CAMTA1: variants seen among roughly 807,000 people sequenced by gnomAD.
CAMTA1 encodes calmodulin binding transcription activator 1, also known as calmodulin-binding transcription activator 1.
A neutral mutation model predicts 170.9 loss-of-function variants in CAMTA1; 27 were observed. That is an observed-to-expected ratio of 0.16 (90% CI 0.12 to 0.22). The LOEUF is 0.22. Ranked by LOEUF, CAMTA1 falls within the 10% of genes least tolerant of loss-of-function variation. The probability of loss-of-function intolerance (pLI) is 1.00; values close to 1 mark genes in which losing one functional copy is unlikely to be tolerated. For missense variants in CAMTA1, 1,619 were observed against 2,217.2 expected (o/e 0.73, Z 5.42); for synonymous variants, 833 against 891.5 (o/e 0.93, Z 1.17).
chr1:6,892,597 C>CTT (rs70984032), intron 3 of CAMTA1, among the ~76,000 whole-genome samples: 9,805 of 120,732 alleles, frequency 0.081, 499 homozygotes, highest in East Asian at 0.26. Context: ...TTTTTCTTTT[C>CTT]TTTTTTTTTT....
intron 5 of CAMTA1, among the ~76,000 whole-genome samples, chr1:7,462,644 G>A (rs1249638476): frequency 2.0e-5 from 3 of 152,110 alleles, no homozygotes; most frequent in Non-Finnish European, 4.4e-5. Flanking sequence ...GAATACTCAT[G>A]ACACTTGAAA....
rs1020618148 is a variant in CAMTA1, at chr1:7,014,963, C to T, written c.235-76341C>T. On this transcript the variant is annotated intron_variant, in intron 3 of 22. Coordinates refer to ENST00000303635, the MANE Select transcript of CAMTA1 (RefSeq NM_015215.4). The surrounding 1 kb of genome is among the most constrained non-coding windows in gnomAD (Gnocchi z 4.2). ...ACTCAAAAACCACAAGCTAAATGAT[C>T]TGTACATTGTCCTCCAACTCTGAGA... 2.6e-5 allele frequency among the ~76,000 whole-genome samples: 4 copies of T among 152,174 alleles called. No individual in the cohort carries two copies. The highest frequency in any genetic ancestry group is 4.4e-5 in the Non-Finnish European group (3 of 68,032).
chr1:6,795,442 C>T (rs1486134369), intron 1 of CAMTA1, among the ~76,000 whole-genome samples: 2 of 152,118 alleles, frequency 1.3e-5, no homozygotes, highest in Non-Finnish European at 2.9e-5. Context: ...AGTCCGTCTG[C>T]CTCAGCCTCC....
intron 4 of CAMTA1, among the ~76,000 whole-genome samples, chr1:7,235,162 A>G (rs1574088433): frequency 6.6e-6 from 1 of 151,952 alleles, no homozygotes; most frequent in African/African-American, 2.4e-5. Flanking sequence ...ACTCTCCACA[A>G]AGACATTGTG....
intron 6 of CAMTA1, among the ~76,000 whole-genome samples, chr1:7,531,378 G>T (rs544945519): frequency 1.3e-5 from 2 of 152,172 alleles, no homozygotes; most frequent in Non-Finnish European, 2.9e-5. Flanking sequence ...TCACAGACTC[G>T]CTGGGGGTTC....
At chr1:6,848,780 T>C (rs1328845408) in intron 3 of CAMTA1, among the ~76,000 whole-genome samples, 1 of 152,194 alleles carries the variant, frequency 6.6e-6, no homozygotes, top group South Asian at 2.1e-4. Flanking sequence ...TTGTAAATAC[T>C]TAGGGGAGTT....
intron 6 of CAMTA1, among the ~76,000 whole-genome samples, chr1:7,518,944 G>A (rs550537193): frequency 2.0e-4 from 30 of 152,140 alleles, no homozygotes; most frequent in Admixed American, 4.6e-4. Context: ...GGTCCCCAGG[G>A]GAGGGGGCCC....
At chr1:7,467,769 T>G in intron 5 of CAMTA1, 61 bp from the exon 6 acceptor site, 34 of 1,389,976 alleles carry the variant, frequency 2.4e-5, no homozygotes, top group Non-Finnish European at 3.4e-5. Flanking sequence ...TGTTGCGCCG[T>G]CTTCCTTCCT....
At chr1:7,442,310 G>A (rs536372212) in intron 5 of CAMTA1, among the ~76,000 whole-genome samples, 4 of 152,302 alleles carry the variant, frequency 2.6e-5, no homozygotes, top group African/African-American at 4.8e-5. Flanking sequence ...AGATGGACAC[G>A]GTGGCCTGAA....
chr1:7,507,290 T>C (rs1179103951), intron 6 of CAMTA1, among the ~76,000 whole-genome samples: 1 of 152,150 alleles, frequency 6.6e-6, no homozygotes, highest in Non-Finnish European at 1.5e-5. Context: ...TGCACACGGC[T>C]GCACACACCC....
chr1:6,962,274 C>T (rs1557891159), intron 3 of CAMTA1, among the ~76,000 whole-genome samples: 1 of 152,206 alleles, frequency 6.6e-6, no homozygotes. Flanking sequence ...TTTTACTCCC[C>T]CCAGGTCAGC....
intron 4 of CAMTA1, among the ~76,000 whole-genome samples, chr1:7,193,350 T>C (rs1573795059): frequency 6.9e-6 from 1 of 145,758 alleles, no homozygotes; most frequent in East Asian, 2.1e-4. Flanking sequence ...AGACTCTGTC[T>C]CAAAAAAAAA....
intron 3 of CAMTA1, among the ~76,000 whole-genome samples, chr1:7,003,273 A>G (rs1698507843): frequency 6.6e-6 from 1 of 152,208 alleles, no homozygotes; most frequent in South Asian, 2.1e-4. Context: ...CTGCCCCACC[A>G]CCACTACCGC....
intron 4 of CAMTA1, among the ~76,000 whole-genome samples, chr1:7,236,771 T>C (rs1461471092): frequency 6.6e-6 from 1 of 152,212 alleles, no homozygotes; most frequent in Non-Finnish European, 1.5e-5. Flanking sequence ...TACTGACATT[T>C]TAGTCCAGGC....
intron 5 of CAMTA1, among the ~76,000 whole-genome samples, chr1:7,395,091 C>G (rs1324148628): frequency 6.6e-6 from 1 of 152,154 alleles, no homozygotes; most frequent in Admixed American, 6.5e-5. Flanking sequence ...CCATGTTGTC[C>G]AGGCTGGTCT....
chr1:7,005,373 T>C (rs11120814), intron 3 of CAMTA1, among the ~76,000 whole-genome samples: 21,234 of 152,180 alleles, frequency 0.14, 1,581 homozygotes, highest in Non-Finnish European at 0.18. Context: ...CTCCCAGGAG[T>C]CCAGGTTCAG....
At chr1:7,353,425 TTCTC>T (rs1192254636) in intron 5 of CAMTA1, among the ~76,000 whole-genome samples, 11 of 83,388 alleles carry the variant, frequency 1.3e-4, no homozygotes, top group African/African-American at 6.5e-4. Context: ...TTTTTTTTCT[TTCTC>T]TCTTTTTTTT....
chr1:6,927,296 G>A (rs370318899), intron 3 of CAMTA1, among the ~76,000 whole-genome samples: 17 of 152,120 alleles, frequency 1.1e-4, no homozygotes, highest in South Asian at 4.2e-4. Context: ...GCCTCCCAAC[G>A]CGCTGAGACT....
intron 3 of CAMTA1, among the ~76,000 whole-genome samples, chr1:7,043,895 T>TA (rs772630042): frequency 6.6e-6 from 1 of 152,170 alleles, no homozygotes; most frequent in Non-Finnish European, 1.5e-5. Flanking sequence ...ACAGAGAAAT[T>TA]AGAGATGCAT....
Sources: allele counts gnomAD v4.1 joint callset (sites outside exome capture counted in the v4.1 genomes callset), GRCh38; gene constraint gnomAD v4.1.1; non-coding constraint Gnocchi (gnomAD v3.1); transcripts MANE v1.5; gene names NCBI Gene and HGNC (gene_info 2026-07-23, HGNC 2026-07-21).